The following ENOX1 variants were observed in gnomAD, a reference collection of about 807,000 sequenced individuals.
ENOX1 encodes the protein candidate growth-related and time keeping constitutive hydroquinone (NADH) oxidase.
In ENOX1, 42 loss-of-function variants were observed where a neutral mutation model predicts 82.5. That is an observed-to-expected ratio of 0.51 (90% CI 0.40 to 0.66). ENOX1 has a LOEUF of 0.66. Among genes scored for constraint, ENOX1 ranks in the 30% least tolerant of loss-of-function variants. The pLI, the probability that ENOX1 is intolerant of heterozygous loss-of-function variation, is 0.00. For synonymous variants in ENOX1, 271 were observed against 282.2 expected, an observed-to-expected ratio of 0.96 and a Z score of 0.40; for missense variants, 608 against 811.6, an observed-to-expected ratio of 0.75 and a Z score of 3.05.
intron 12 of ENOX1, among the ~76,000 whole-genome samples, chr13:43,272,734 T>A (rs1283314281): frequency 6.6e-6 from 1 of 152,166 alleles, no homozygotes; most frequent in African/African-American, 2.4e-5. Context: ...ACCAATTAAC[T>A]CAGAATATTG....
intron 2 of ENOX1, among the ~76,000 whole-genome samples, chr13:43,585,276 T>C (rs1443608515): frequency 6.6e-6 from 1 of 152,140 alleles, no homozygotes; most frequent in Non-Finnish European, 1.5e-5. Context: ...AAAGAAAAGG[T>C]TCTGCCCTAG....
intron 2 of ENOX1, among the ~76,000 whole-genome samples, chr13:43,532,815 T>C (rs555233131): frequency 1.3e-5 from 2 of 151,910 alleles, no homozygotes; most frequent in African/African-American, 2.4e-5. Context: ...TTTTCAAAAA[T>C]ATATTTTTAA....
chr13:43,613,846 G>A (rs4523836), intron 2 of ENOX1, among the ~76,000 whole-genome samples: 35,255 of 151,896 alleles, frequency 0.23, 4,389 homozygotes, highest in Non-Finnish European at 0.29. Flanking sequence ...CACAATAATC[G>A]CTTGAGCCCC....
chr13:43,581,122 A>ATTTTT (rs1351057664), intron 2 of ENOX1, among the ~76,000 whole-genome samples: 8 of 85,102 alleles, frequency 9.4e-5, no homozygotes, highest in South Asian at 3.9e-4. Context: ...GCACTACCTG[A>ATTTTT]TTCTTTTTTT....
chr13:43,467,247 A>G (rs1158292229), intron 3 of ENOX1, among the ~76,000 whole-genome samples: 1 of 152,176 alleles, frequency 6.6e-6, no homozygotes, highest in African/African-American at 2.4e-5. Flanking sequence ...GAAGGCTCCA[A>G]ATTTACCACA....
chr13:43,285,810 CAAAAAAA>C (rs11417324), intron 12 of ENOX1, among the ~76,000 whole-genome samples: 4 of 67,460 alleles, frequency 5.9e-5, no homozygotes, highest in Non-Finnish European at 1.1e-4. Context: ...GACTCTGTCT[CAAAAAAA>C]AAAAAAAAAA....
chr13:43,554,092 G>A (rs2079329183), intron 2 of ENOX1, among the ~76,000 whole-genome samples: 1 of 152,114 alleles, frequency 6.6e-6, no homozygotes, highest in Admixed American at 6.5e-5. Context: ...ATGCTACTTG[G>A]GGAAAACATA....
At chr13:43,376,114 A>G (rs1393472754) in intron 5 of ENOX1, among the ~76,000 whole-genome samples, 3 of 152,158 alleles carry the variant, frequency 2.0e-5, no homozygotes, top group African/African-American at 7.2e-5. Flanking sequence ...CCCTTATTCA[A>G]TTATTTTTTT....
chr13:43,354,192 C>T (rs2049992604), intron 8 of ENOX1, among the ~76,000 whole-genome samples: 1 of 152,160 alleles, frequency 6.6e-6, no homozygotes, highest in Non-Finnish European at 1.5e-5. Context: ...TGCTGTATCT[C>T]ATTTTGGCCA....
rs1254740196 is a variant in ENOX1, at chr13:43,581,164, A to G, written c.-219+86315T>C. Among the ~76,000 whole-genome samples the G allele has an allele frequency of 9.2e-5, 10 of 108,114 alleles. No homozygotes were observed. In the East Asian group the frequency reaches 1.5e-3, roughly 17 times the overall value. The allele number at this position is 108,114 out of a possible 152,430, so 70.9% of individuals were successfully genotyped here. On this transcript the variant is annotated intron_variant, in intron 2 of 16. Coordinates refer to ENST00000690772, the MANE Select transcript of ENOX1 (RefSeq NM_001347969.2). ...TTTTTTTTTTTTGAGACGGAGTCTC[A>G]CTCTGTCGCCCAGGCTGGAGTGCAG...
At chr13:43,362,725 A>T (rs2050608435) in intron 5 of ENOX1, among the ~76,000 whole-genome samples, 1 of 152,218 alleles carries the variant, frequency 6.6e-6, no homozygotes, top group African/African-American at 2.4e-5. Flanking sequence ...CAGAAGGTCT[A>T]GCAAAAGCGT....
chr13:43,428,828 C>T (rs2055485202), intron 3 of ENOX1, among the ~76,000 whole-genome samples: 1 of 152,160 alleles, frequency 6.6e-6, no homozygotes, highest in African/African-American at 2.4e-5. Flanking sequence ...GGTAAAGCCA[C>T]AAGCTGGATA....
intron 2 of ENOX1, among the ~76,000 whole-genome samples, chr13:43,600,329 G>A (rs2081651222): frequency 6.6e-6 from 1 of 152,170 alleles, no homozygotes; most frequent in Admixed American, 6.5e-5. Context: ...TTCTAGGCTG[G>A]CTGTATCCAC....
intron 1 of ENOX1, among the ~76,000 whole-genome samples, chr13:43,739,757 A>G (rs1346668448): frequency 6.6e-6 from 1 of 151,894 alleles, no homozygotes; most frequent in Non-Finnish European, 1.5e-5. Flanking sequence ...AAGCTGTGTG[A>G]TATACGGTTA....
intron 12 of ENOX1, among the ~76,000 whole-genome samples, chr13:43,297,181 T>G (rs762856525): frequency 2.6e-5 from 4 of 152,228 alleles, no homozygotes; most frequent in African/African-American, 4.8e-5. Context: ...ACGAGTTGGT[T>G]ATTAACTTGT....
chr13:43,596,618 T>G (rs770021136), intron 2 of ENOX1, among the ~76,000 whole-genome samples: 1 of 152,254 alleles, frequency 6.6e-6, no homozygotes, highest in Non-Finnish European at 1.5e-5. Flanking sequence ...GCATCCTTTC[T>G]GTGTGTTCAA....
Position 43,484,209 on chromosome 13 carries a change from T to C in ENOX1, c.-218-57A>G, listed in dbSNP as rs1476836831. On this transcript the variant is annotated intron_variant, in intron 2 of 16. Transcript: ENST00000690772. ...ATGTCTAAAGTACCATTACTGCCTG[T>C]AATGGTATTATTATCACTTATATGT... The C allele has an allele frequency of 5.3e-5, 48 of 912,136 alleles. No individual in the cohort carries two copies. In the East Asian group the frequency reaches 3.8e-3, roughly 71 times the overall value. The allele number at this position is 912,136 out of a possible 1,614,324, so 56.5% of individuals were successfully genotyped here.
intron 16 of ENOX1, among the ~76,000 whole-genome samples, chr13:43,217,436 A>G (rs2153448877): frequency 6.6e-6 from 1 of 152,282 alleles, no homozygotes; most frequent in African/African-American, 2.4e-5. Context: ...CTTGTTTTCC[A>G]TGGTGTCTTT....
At chr13:43,581,461 G>C (rs1270024698) in intron 2 of ENOX1, among the ~76,000 whole-genome samples, 1 of 152,056 alleles carries the variant, frequency 6.6e-6, no homozygotes, top group Non-Finnish European at 1.5e-5. Context: ...GCTTCCTCTG[G>C]CATCAATATT....
Sources: gnomAD v4.1 joint callset for allele counts (sites outside exome capture counted in the v4.1 genomes callset) on GRCh38, gnomAD v4.1.1 for gene constraint, MANE v1.5 for transcripts, NCBI Gene and HGNC (gene_info 2026-07-23, HGNC 2026-07-21) for gene names.